The following LRRC4C variants were observed in gnomAD, a reference collection of about 807,000 sequenced individuals.
LRRC4C encodes leucine rich repeat containing 4C.
Under a neutral mutation model 33.6 loss-of-function variants are expected in LRRC4C, and 5 were observed. That is an observed-to-expected ratio of 0.15 (90% confidence interval 0.08 to 0.31). LRRC4C has a LOEUF of 0.31. Among genes scored for constraint, LRRC4C ranks in the 10% least tolerant of loss-of-function variants. The pLI is 1.00. For missense variants in LRRC4C, 560 were observed against 796.7 expected (o/e 0.70, Z 3.58); for synonymous variants, 329 against 302.0 (o/e 1.09, Z -0.93).
At chr11:40,553,115 ACAAAAAATTAGCCCG>A (rs1420743494) in intron 3 of LRRC4C, among the ~76,000 whole-genome samples, 1 of 152,064 alleles carries the variant, frequency 6.6e-6, no homozygotes, top group African/African-American at 2.4e-5. Context: ...TACTAAAAAT[ACAAAAAATTAGCCCG>A]GCGTAGTGAC....
At chr11:41,246,953 C>A (rs1948474488) in intron 1 of LRRC4C, among the ~76,000 whole-genome samples, 1 of 152,182 alleles carries the variant, frequency 6.6e-6, no homozygotes, top group Non-Finnish European at 1.5e-5. Flanking sequence ...AAAGTAAATT[C>A]ATCTCTGAAA....
chr11:40,193,334 A>T (rs1862000873), intron 5 of LRRC4C, among the ~76,000 whole-genome samples: 1 of 152,206 alleles, frequency 6.6e-6, no homozygotes, highest in Admixed American at 6.5e-5. Context: ...GACCTCCAGC[A>T]AACTCCAACA....
chr11:41,165,918 C>T (rs111780441), intron 1 of LRRC4C, among the ~76,000 whole-genome samples: 7 of 151,914 alleles, frequency 4.6e-5, no homozygotes, highest in African/African-American at 1.7e-4. Context: ...GTAATCCCAG[C>T]TACTCAGGAG....
At chr11:41,282,638 G>A (rs1002468825) in intron 1 of LRRC4C, among the ~76,000 whole-genome samples, 9 of 151,926 alleles carry the variant, frequency 5.9e-5, no homozygotes, top group Middle Eastern at 3.4e-3. Context: ...GTTTGCGTAG[G>A]ATGAGCCATA....
intron 1 of LRRC4C, among the ~76,000 whole-genome samples, chr11:41,211,468 A>G (rs1296624388): frequency 2.6e-5 from 4 of 151,976 alleles, no homozygotes; most frequent in South Asian, 4.2e-4. Context: ...TCCTAATGCT[A>G]TCCCTCCCCC....
Position 40,939,504 on chromosome 11 carries a change from C to A in LRRC4C, c.-495-5781G>T, listed in dbSNP as rs80097699. ...AAAGTGAAAAATACCTGAATTCATT[C>A]ATTCATCTATTCATTCAAGACACAA... On this transcript the variant is annotated intron_variant, in intron 1 of 6. Coordinates refer to ENST00000528697, the MANE Select transcript of LRRC4C (RefSeq NM_001258419.2). 8.1e-3 allele frequency among the ~76,000 whole-genome samples: 1,234 copies of A among 152,112 alleles called. 18 individuals are homozygous for A. Among genetic ancestry groups the A allele is most frequent in the African/African-American group, 0.028 (1,177 of 41,486 alleles).
intron 1 of LRRC4C, among the ~76,000 whole-genome samples, chr11:41,377,250 G>A (rs1952970563): frequency 6.6e-6 from 1 of 151,920 alleles, no homozygotes; most frequent in Admixed American, 6.6e-5. Context: ...TGTGTGTCAG[G>A]CACTAGGCTA....
At chr11:41,328,682 C>T (rs907758622) in intron 1 of LRRC4C, among the ~76,000 whole-genome samples, 2 of 152,192 alleles carry the variant, frequency 1.3e-5, no homozygotes, top group African/African-American at 4.8e-5. Flanking sequence ...TTCTAACCAC[C>T]AGCAAGCCTC....
chr11:40,575,879 T>C (rs1026467380), intron 3 of LRRC4C, among the ~76,000 whole-genome samples: 3 of 152,178 alleles, frequency 2.0e-5, no homozygotes, highest in African/African-American at 4.8e-5. Flanking sequence ...GTAATGTGTA[T>C]GGACAGATTG....
chr11:41,426,026 T>C (rs138177638), intron 1 of LRRC4C, among the ~76,000 whole-genome samples: 2 of 152,264 alleles, frequency 1.3e-5, no homozygotes, highest in African/African-American at 4.8e-5. Flanking sequence ...TTTTAAACCA[T>C]ACGTTGATAG....
At chr11:41,080,342 C>CTTTTTTTTTTTTTTTTTTTTTTTTTT (rs71060997) in intron 1 of LRRC4C, among the ~76,000 whole-genome samples, 5 of 103,434 alleles carry the variant, frequency 4.8e-5, no homozygotes, top group Non-Finnish European at 5.4e-5. Flanking sequence ...GAGTCTCCTC[C>CTTTTTTTTTTTTTTTTTTTTTTTTTT]TTTTTTTTTT....
chr11:40,552,023 G>T (rs1029244630), intron 3 of LRRC4C, among the ~76,000 whole-genome samples: 1 of 152,210 alleles, frequency 6.6e-6, no homozygotes, highest in Non-Finnish European at 1.5e-5. Context: ...CCTCTTTCAA[G>T]GCAGAAGTAA....
chr11:40,500,385 C>T (rs1041950465), intron 3 of LRRC4C, among the ~76,000 whole-genome samples: 3 of 146,692 alleles, frequency 2.0e-5, no homozygotes, highest in African/African-American at 7.5e-5. Flanking sequence ...CAATAAAGAA[C>T]ATTTATAATT....
intron 1 of LRRC4C, among the ~76,000 whole-genome samples, chr11:41,066,766 T>C (rs768739097): frequency 6.6e-5 from 10 of 152,266 alleles, no homozygotes; most frequent in African/African-American, 2.2e-4. Context: ...TATTCAACAT[T>C]CTTAAAGAAA....
chr11:41,246,421 C>T (rs753424713), intron 1 of LRRC4C, among the ~76,000 whole-genome samples: 11 of 152,184 alleles, frequency 7.2e-5, no homozygotes, highest in Non-Finnish European at 1.3e-4. Flanking sequence ...CACTTCTGAG[C>T]TTGTAGGGGT....
intron 1 of LRRC4C, among the ~76,000 whole-genome samples, chr11:41,422,211 T>A (rs1954893461): frequency 6.6e-6 from 1 of 152,032 alleles, no homozygotes; most frequent in African/African-American, 2.4e-5. Context: ...ACTCTAATTT[T>A]TTTTTCAGTA....
intron 4 of LRRC4C, among the ~76,000 whole-genome samples, chr11:40,282,260 G>A (rs1278417589): frequency 2.6e-5 from 4 of 152,130 alleles, no homozygotes; most frequent in Non-Finnish European, 4.4e-5. Flanking sequence ...CAGGAGAATC[G>A]CTTGAATCTG....
chr11:40,387,324 T>C (rs956455981), intron 3 of LRRC4C, among the ~76,000 whole-genome samples: 2 of 152,118 alleles, frequency 1.3e-5, no homozygotes, highest in African/African-American at 2.4e-5. Flanking sequence ...AGGTTACTCA[T>C]TAAAAGAAGT....
chr11:40,642,631 A>G (rs1052893240), intron 3 of LRRC4C, among the ~76,000 whole-genome samples: 12 of 152,194 alleles, frequency 7.9e-5, no homozygotes, highest in African/African-American at 2.7e-4. Flanking sequence ...TGTATCATAC[A>G]TATTTATGGT....
Sources: allele counts gnomAD v4.1 joint callset (sites outside exome capture counted in the v4.1 genomes callset), GRCh38; gene constraint gnomAD v4.1.1; transcripts MANE v1.5; gene names NCBI Gene and HGNC (gene_info 2026-07-23, HGNC 2026-07-21).